The following KLRG1 variants were observed in gnomAD, a reference collection of about 807,000 sequenced individuals.
KLRG1 encodes killer cell lectin like receptor G1, also known as killer cell lectin-like receptor subfamily G member 1.
Under a neutral mutation model 21.8 loss-of-function variants are expected in KLRG1, and 16 were observed. The observed-to-expected ratio is 0.73, with a 90% CI of 0.50 to 1.11. The LOEUF (loss-of-function observed/expected upper bound fraction) is 1.11. Ranked by LOEUF, KLRG1 falls within the 50% of genes most tolerant of loss-of-function variation. The pLI is 0.00. For missense variants in KLRG1, 173 were observed against 218.3 expected (o/e 0.79, Z 1.31); for synonymous variants, 69 against 75.9 (o/e 0.91, Z 0.47).
At chr12:9,102,438 TCTC>T in the KLRG1 span, among the ~76,000 whole-genome samples, 1 of 151,850 alleles carries the variant, frequency 6.6e-6, no homozygotes, top group East Asian at 1.9e-4. Context: ...CTCGTCTCGA[TCTC>T]CTGGCCTCAC....
intron 1 of KLRG1, among the ~76,000 whole-genome samples, chr12:8,961,811 TGTG>T (rs1946386508): frequency 6.6e-6 from 1 of 152,014 alleles, no homozygotes; most frequent in Non-Finnish European, 1.5e-5. Context: ...ACAAGCCAGG[TGTG>T]GTGGCTGTCG....
chr12:9,139,949 G>T, the KLRG1 span, among the ~76,000 whole-genome samples: 2 of 152,202 alleles, frequency 1.3e-5, no homozygotes, highest in Non-Finnish European at 2.9e-5. Flanking sequence ...GTGTGGAGGA[G>T]AAGTTTATTG....
At chr12:9,087,977 A>T in the KLRG1 span, among the ~76,000 whole-genome samples, 1 of 152,286 alleles carries the variant, frequency 6.6e-6, no homozygotes, top group Non-Finnish European at 1.5e-5. Flanking sequence ...TAGGAAGACT[A>T]AAACACTAAG....
chr12:9,120,840 C>T, the KLRG1 span, among the ~76,000 whole-genome samples: 28 of 131,638 alleles, frequency 2.1e-4, no homozygotes, highest in East Asian at 3.1e-3. Flanking sequence ...CTCATTTGTG[C>T]TATCCCACTA....
At chr12:9,160,184 T>G in the KLRG1 span, 1 of 1,085,606 alleles carries the variant, frequency 9.2e-7, no homozygotes, top group Non-Finnish European at 1.3e-6. Flanking sequence ...CAACATCCTA[T>G]TAGAGTGTGG....
intron 1 of KLRG1, among the ~76,000 whole-genome samples, chr12:8,974,454 A>G (rs1354143760): frequency 6.6e-6 from 1 of 152,194 alleles, no homozygotes; most frequent in African/African-American, 2.4e-5. Flanking sequence ...GGCGTGAGCC[A>G]CTGCGCCCGG....
chr12:9,143,114 T>G, the KLRG1 span, among the ~76,000 whole-genome samples: 1 of 152,164 alleles, frequency 6.6e-6, no homozygotes, highest in Non-Finnish European at 1.5e-5. Context: ...GGGGTGAGGG[T>G]TGAGGTTAGA....
At chr12:9,023,813 C>A in the KLRG1 span, among the ~76,000 whole-genome samples, 1 of 152,008 alleles carries the variant, frequency 6.6e-6, no homozygotes, top group Non-Finnish European at 1.5e-5. Context: ...GTCTTGGCCT[C>A]CTGGGCTGCT....
the KLRG1 span, among the ~76,000 whole-genome samples, chr12:9,121,023 G>T: frequency 4.0e-5 from 6 of 151,744 alleles, no homozygotes; most frequent in African/African-American, 1.5e-4. This position sits in a 1 kb window ranked among gnomAD's most constrained non-coding sequence, Gnocchi z 4.4. Context: ...TAAGACTACA[G>T]GTGCACTCCA....
chr12:9,068,197 GC>G, the KLRG1 span: 4 of 1,611,080 alleles, frequency 2.5e-6, no homozygotes, highest in Non-Finnish European at 3.4e-6. Flanking sequence ...GCTGCAAGGA[GC>G]ATTGTACTCA....
chr12:8,961,620 C>T (rs1294661756), intron 1 of KLRG1, among the ~76,000 whole-genome samples: 1 of 151,610 alleles, frequency 6.6e-6, no homozygotes, highest in Non-Finnish European at 1.5e-5. Flanking sequence ...AGAGTTTCAC[C>T]ATGTTGGCCA....
At chr12:9,038,870 C>T in the KLRG1 span, among the ~76,000 whole-genome samples, 3 of 148,490 alleles carry the variant, frequency 2.0e-5, no homozygotes, top group African/African-American at 7.5e-5. Context: ...GTGGGCTGCA[C>T]TCCAGCCTGG....
At chr12:9,178,045 A>G in the KLRG1 span, among the ~76,000 whole-genome samples, 1 of 152,214 alleles carries the variant, frequency 6.6e-6, no homozygotes, top group Non-Finnish European at 1.5e-5. Flanking sequence ...CCTAATAATT[A>G]TTACGCTATG....
At chr12:9,214,017 TA>T in the KLRG1 span, among the ~76,000 whole-genome samples, 1 of 152,042 alleles carries the variant, frequency 6.6e-6, no homozygotes, top group African/African-American at 2.4e-5. Flanking sequence ...TAATGTGTGT[TA>T]GGGGTCCAAC....
upstream of KLRG1, among the ~76,000 whole-genome samples, chr12:8,985,670 T>C (rs894465625): frequency 6.6e-6 from 1 of 152,126 alleles, no homozygotes; most frequent in African/African-American, 2.4e-5. Flanking sequence ...TATTATAAAG[T>C]ATATTACAAA....
the KLRG1 span, among the ~76,000 whole-genome samples, chr12:9,142,872 T>C: frequency 6.6e-6 from 1 of 152,188 alleles, no homozygotes; most frequent in Admixed American, 6.5e-5. Context: ...CAAATGGGAT[T>C]TGTGGCAACT....
the KLRG1 span, among the ~76,000 whole-genome samples, chr12:9,017,720 A>AT: frequency 1.3e-5 from 2 of 152,162 alleles, no homozygotes; most frequent in African/African-American, 4.8e-5. Flanking sequence ...AAGGATGCCC[A>AT]TTTTCACCAC....
At chr12:9,116,238 G>A in the KLRG1 span, 1,453 of 278,156 alleles carry the variant, frequency 5.2e-3, 26 homozygotes, top group African/African-American at 0.03. Flanking sequence ...ATGAATAGCT[G>A]GCAAGGAAAA....
At chr12:9,213,049 A>G in the KLRG1 span, among the ~76,000 whole-genome samples, 1 of 152,202 alleles carries the variant, frequency 6.6e-6, no homozygotes, top group Non-Finnish European at 1.5e-5. Flanking sequence ...ATTTCATATT[A>G]ATAGAATCAT....
Sources: allele counts gnomAD v4.1 joint callset (sites outside exome capture counted in the v4.1 genomes callset), GRCh38; gene constraint gnomAD v4.1.1; non-coding constraint Gnocchi (gnomAD v3.1); transcripts MANE v1.5; gene names NCBI Gene and HGNC (gene_info 2026-07-23, HGNC 2026-07-21).